Variants in KIF14 observed in about 807,000 individuals in gnomAD.
KIF14 encodes kinesin-like protein KIF14.
In KIF14, 98 loss-of-function variants were observed where a neutral mutation model predicts 176.2. That is an observed-to-expected ratio of 0.56 (90% CI 0.47 to 0.66). The LOEUF (loss-of-function observed/expected upper bound fraction) is 0.66, where lower values mean the gene tolerates loss of function less well. KIF14 is among the 30% of genes least tolerant of loss of function. KIF14 has a pLI of 0.00. For missense variants in KIF14, 1,751 were observed against 1,920.4 expected (o/e 0.91, Z 1.65); for synonymous variants, 566 against 632.2 (o/e 0.90, Z 1.57).
At chr1:200,586,276 G>C (rs373700960) in intron 18 of KIF14, 49 bp from the exon 19 acceptor site, 2 of 1,452,322 alleles carry the variant, frequency 1.4e-6, no homozygotes, top group African/African-American at 2.8e-5. Flanking sequence ...TATGCAAAGA[G>C]AGAAACTATA....
chr1:200,554,077 T>C (rs904660259), intron 29 of KIF14, among the ~76,000 whole-genome samples: 1 of 152,078 alleles, frequency 6.6e-6, no homozygotes, highest in Non-Finnish European at 1.5e-5. Flanking sequence ...ACTAAAATAA[T>C]GAAAAGGTTA....
Position 200,553,749 on chromosome 1 carries a change from T to TG in KIF14, c.4585_4586insC (p.Asn1529ThrfsTer8). 6.2e-7 allele frequency: 1 copy of TG among 1,602,982 alleles called. No homozygotes were observed. Among genetic ancestry groups the TG allele is most frequent in the African/African-American group, 1.3e-5 (1 of 74,674 alleles). ...ACTTTCAACACAAGTCTGGAGAAGA[T>TG]TTATATCACTATGGCATCCTATATG... is the stretch of plus-strand genomic sequence containing the variant. On this transcript the variant is annotated frameshift_variant, in exon 30 of 30. Transcript: ENST00000367350. LOFTEE classifies it low-confidence loss of function (END_TRUNC).
chr1:200,598,760 T>G (rs1659489737), intron 13 of KIF14, among the ~76,000 whole-genome samples: 1 of 152,124 alleles, frequency 6.6e-6, no homozygotes, highest in African/African-American at 2.4e-5. Context: ...GGTTTCGTCA[T>G]GTTGATCAGG....
At position 200,586,128 on chromosome 1, in the gene KIF14, G is replaced by A. The variant is rs140684435; in HGVS notation, c.3214C>T (p.Arg1072Trp). Residue 1072 changes from arginine to tryptophan, a missense_variant, in exon 19 of 30, where the codon CGG becomes TGG. Arg to Trp is a moderately radical substitution (Grantham distance 101, BLOSUM62 -3). Transcript: ENST00000367350. Reference sequence around the variant, plus strand: ...GTAAAAGTTTTATCCCTATTATTCCGATTCTGCTGTAGAATTTGTACTTCT... The same window carrying A: ...GTAAAAGTTTTATCCCTATTATTCCAATTCTGCTGTAGAATTTGTACTTCT... ...AKEVQILQQN[R>W]NNRDKTFTVQ... 2.4e-5 allele frequency: 38 copies of A among 1,589,034 alleles called. No homozygotes were observed. The highest frequency in any genetic ancestry group is 3.1e-5 in the Non-Finnish European group (36 of 1,164,934).
intron 4 of KIF14, among the ~76,000 whole-genome samples, chr1:200,613,417 T>A (rs1660254586): frequency 2.0e-5 from 3 of 152,178 alleles, no homozygotes; most frequent in African/African-American, 4.8e-5. Flanking sequence ...TCCCTCCAAC[T>A]TTATATGTCC....
In KIF14 at chr1:200,552,849, A is replaced by T. The variant is rs904896122; in HGVS notation, c.*539T>A. 29 of 152,134 alleles carry T rather than the reference A, an allele frequency of 1.9e-4. No individual in the cohort carries two copies. Among genetic ancestry groups the T allele is most frequent in the Admixed American group, 1.4e-3 (22 of 15,274 alleles). The allele number at this position is 152,134 out of a possible 1,614,324, so 9.4% of individuals were successfully genotyped here. A position where few individuals can be genotyped will look rare whatever the true frequency, so the allele number is the denominator to read the frequency against. On this transcript the variant is annotated 3_prime_UTR_variant, in exon 30 of 30. Coordinates refer to ENST00000367350, the MANE Select transcript of KIF14 (RefSeq NM_014875.3). ...TCCACTCATGAGAAAATAACCCTTT[A>T]TAAACGACTAATGAACCAACTACAG... is the stretch of plus-strand genomic sequence containing the variant.
chr1:200,573,325 T>C (rs73070691), intron 22 of KIF14, among the ~76,000 whole-genome samples: 28,496 of 151,832 alleles, frequency 0.19, 3,318 homozygotes, highest in African/African-American at 0.32. Flanking sequence ...ACACTGAGCA[T>C]GGATTAGAAC....
At chr1:200,593,138 G>C (rs1266308704) in intron 15 of KIF14, among the ~76,000 whole-genome samples, 1 of 152,162 alleles carries the variant, frequency 6.6e-6, no homozygotes, top group African/African-American at 2.4e-5. Context: ...GACATTCATT[G>C]AGAGCTTACT....
intron 23 of KIF14, among the ~76,000 whole-genome samples, chr1:200,566,129 A>G (rs1657432937): frequency 6.6e-6 from 1 of 152,174 alleles, no homozygotes; most frequent in African/African-American, 2.4e-5. Context: ...AATTCCATTC[A>G]CGGATCAATT....
chr1:200,566,596 A>G (rs561249574), intron 23 of KIF14, among the ~76,000 whole-genome samples: 27 of 150,554 alleles, frequency 1.8e-4, no homozygotes, highest in African/African-American at 6.6e-4. Context: ...CTGTCTCAAA[A>G]AAAAAAAAGA....
chr1:200,582,018 C>T (rs1187599236), intron 19 of KIF14, among the ~76,000 whole-genome samples: 1 of 151,948 alleles, frequency 6.6e-6, no homozygotes, highest in Non-Finnish European at 1.5e-5. Flanking sequence ...AATCTACCTG[C>T]CTCAGCCTTC....
At position 200,559,757 on chromosome 1, in the gene KIF14, CT is replaced by C. The variant is rs377593729; in HGVS notation, c.4231-306del. The stretch of plus-strand genomic sequence containing the variant: ...TATATTGCTAGAACACAGTAACATT[CT>C]TTTTTTTTTTTTTGAAATGGAGTTT... On this transcript the variant is annotated intron_variant, in intron 26 of 29. Coordinates refer to ENST00000367350, the MANE Select transcript of KIF14 (RefSeq NM_014875.3). Among the ~76,000 whole-genome samples, 589 of 144,122 alleles carry C rather than the reference CT, an allele frequency of 4.1e-3. 1 individual carries two copies. The highest frequency in any genetic ancestry group is 0.011 in the Middle Eastern group (3 of 280). The allele number at this position is 144,122 out of a possible 152,430, so 94.5% of individuals were successfully genotyped here.
chr1:200,553,918 T>C (rs1656692852), intron 29 of KIF14, 151 bp from the exon 30 acceptor site: 13 of 716,328 alleles, frequency 1.8e-5, no homozygotes, highest in Admixed American at 3.1e-5. Context: ...AAAGTGTTTA[T>C]TTGCTAGATG....
rs766909082 is a variant in KIF14 at position 200,618,558 on chromosome 1, A to T, written c.166T>A (p.Ser56Thr). The change falls in exon 2 of 30, where the codon TCT becomes ACT. Residue 56 changes from serine (S) to threonine (T), a missense_variant. Coordinates refer to ENST00000367350, the MANE Select transcript of KIF14 (RefSeq NM_014875.3). ...ECENDDPLLR[S>T]AGKVRDINRT... ...TTTATGTCTCTGACTTTACCTGCAG[A>T]TCTCAATAATGGATCATCATTTTCA... 6 of 1,614,194 alleles carry T rather than the reference A, an allele frequency of 3.7e-6. No homozygotes were observed. Among genetic ancestry groups the T allele is most frequent in the Non-Finnish European group, 5.1e-6 (6 of 1,180,034 alleles).
intron 26 of KIF14, among the ~76,000 whole-genome samples, chr1:200,560,463 G>A (rs914493028): frequency 6.6e-6 from 1 of 151,996 alleles, no homozygotes; most frequent in Non-Finnish European, 1.5e-5. Context: ...GTAGAGACGG[G>A]TGTTTCGCCT....
At chr1:200,596,766 T>C (rs766258810) in intron 14 of KIF14, among the ~76,000 whole-genome samples, 2 of 151,926 alleles carry the variant, frequency 1.3e-5, no homozygotes, top group Non-Finnish European at 2.9e-5. Flanking sequence ...GGTTTCACCA[T>C]GTTGGCCAGG....
intron 23 of KIF14, among the ~76,000 whole-genome samples, chr1:200,566,333 C>T (rs1434628600): frequency 6.6e-6 from 1 of 151,050 alleles, no homozygotes; most frequent in African/African-American, 2.4e-5. Context: ...TGGCTCATGC[C>T]TGTAATCCCA....
intron 1 of KIF14, among the ~76,000 whole-genome samples, chr1:200,619,975 T>C (rs1054577431): frequency 1.1e-4 from 17 of 152,256 alleles, no homozygotes; most frequent in African/African-American, 4.1e-4. Flanking sequence ...AACAAGACTT[T>C]AAATTTGCAT....
chr1:200,581,760 CCT>C (rs368784475), intron 19 of KIF14, among the ~76,000 whole-genome samples: 3,029 of 102,270 alleles, frequency 0.03, 84 homozygotes, highest in African/African-American at 0.07. Context: ...ATTTCACTTT[CCT>C]TTTTTTTTTT....
Sources: gnomAD v4.1 joint callset for allele counts (sites outside exome capture counted in the v4.1 genomes callset) on GRCh38, gnomAD v4.1.1 for gene constraint, MANE v1.5 for transcripts, NCBI Gene and HGNC (gene_info 2026-07-23, HGNC 2026-07-21) for gene names.